The following ITGA1 variants were observed in gnomAD, a reference collection of about 807,000 sequenced individuals.
ITGA1 encodes the protein integrin alpha-1.
Under a neutral mutation model 145.9 loss-of-function variants are expected in ITGA1, and 85 were observed. The ratio of observed to expected loss-of-function variants is 0.58; its 90% CI spans 0.49 to 0.70. ITGA1 has a LOEUF of 0.70. ITGA1 is among the 30% of genes least tolerant of loss of function. The pLI is 0.00. For synonymous variants in ITGA1, 520 were observed against 495.3 expected, an observed-to-expected ratio of 1.05 and a Z score of -0.66; for missense variants, 1,351 against 1,418.7, an observed-to-expected ratio of 0.95 and a Z score of 0.77.
intron 9 of ITGA1, among the ~76,000 whole-genome samples, chr5:52,895,799 T>C (rs1750214990): frequency 6.6e-6 from 1 of 152,202 alleles, no homozygotes; most frequent in African/African-American, 2.4e-5. Flanking sequence ...AGATTACAAA[T>C]GTCTTCTATA....
chr5:52,916,164 A>T (rs1439654816), intron 15 of ITGA1, among the ~76,000 whole-genome samples: 2 of 152,326 alleles, frequency 1.3e-5, no homozygotes, highest in Non-Finnish European at 2.9e-5. Context: ...AGGCAAAAAT[A>T]ATTATTGCTT....
intron 2 of ITGA1, among the ~76,000 whole-genome samples, chr5:52,850,870 C>T (rs1003491794): frequency 6.6e-6 from 1 of 152,168 alleles, no homozygotes; most frequent in African/African-American, 2.4e-5. Context: ...TCCCTCTAGA[C>T]ACCAGCTTTA....
intron 7 of ITGA1, chr5:52,882,974 T>C (rs1009084161): frequency 6.6e-6 from 1 of 152,222 alleles, no homozygotes; most frequent in Non-Finnish European, 1.5e-5. Context: ...CTGCAAAGAA[T>C]GGATTGGATA....
At chr5:52,929,782 C>A in intron 21 of ITGA1, 81 bp downstream of exon 21, 1 of 726,168 alleles carries the variant, frequency 1.4e-6, no homozygotes, top group Non-Finnish European at 2.3e-6. Flanking sequence ...GCTCTATAAA[C>A]TCACTGACAG....
At chr5:52,854,804 T>C (rs1464912733) in intron 2 of ITGA1, among the ~76,000 whole-genome samples, 2 of 152,208 alleles carry the variant, frequency 1.3e-5, no homozygotes, top group African/African-American at 4.8e-5. Context: ...TATTTCTGCT[T>C]ACTAAATATT....
intron 1 of ITGA1, among the ~76,000 whole-genome samples, chr5:52,828,404 A>G (rs1232880194): frequency 6.6e-6 from 1 of 152,180 alleles, no homozygotes; most frequent in Non-Finnish European, 1.5e-5. Flanking sequence ...TTCCCTAATA[A>G]TTAATGCTGT....
chr5:52,906,012 G>T, intron 12 of ITGA1, 104 bp downstream of exon 12: 1 of 956,152 alleles, frequency 1.0e-6, no homozygotes, highest in Non-Finnish European at 1.6e-6. Context: ...CACATATTCA[G>T]TAACAACTGG....
chr5:52,921,250 G>A (rs985142267), intron 17 of ITGA1, among the ~76,000 whole-genome samples: 3 of 152,036 alleles, frequency 2.0e-5, no homozygotes. Flanking sequence ...GAGACTTGAC[G>A]GTAAACTTGG....
intron 26 of ITGA1, 64 bp from the exon 27 acceptor site, chr5:52,944,879 A>T (rs1284351177): frequency 8.8e-7 from 1 of 1,142,808 alleles, no homozygotes; most frequent in Non-Finnish European, 1.3e-6. Flanking sequence ...GTCCTACTCA[A>T]ACATGACTAG....
At chr5:52,865,445 T>C (rs963011675) in intron 5 of ITGA1, among the ~76,000 whole-genome samples, 1 of 152,254 alleles carries the variant, frequency 6.6e-6, no homozygotes, top group Non-Finnish European at 1.5e-5. Flanking sequence ...AAGATAACTC[T>C]CATACAATAC....
chr5:52,866,464 G>C (rs953209241), intron 6 of ITGA1, among the ~76,000 whole-genome samples: 1 of 152,112 alleles, frequency 6.6e-6, no homozygotes, highest in Admixed American at 6.5e-5. Flanking sequence ...TCAGAGCCGG[G>C]TGTCAGAGTT....
In ITGA1 at chr5:52,806,638, A is replaced by T. The variant is rs188682565; in HGVS notation, c.61+18224A>T. Among the ~76,000 whole-genome samples the T allele has an allele frequency of 5.6e-3, 860 of 152,242 alleles. 9 individuals are homozygous for T. Among genetic ancestry groups the T allele is most frequent in the African/African-American group, 0.02 (829 of 41,554 alleles). ...GATATATATCACCATCTGTATTCTC[A>T]TCCACATGTTACACTATTATTTCTA... On this transcript the variant is annotated intron_variant, in intron 1 of 28. Coordinates refer to ENST00000282588, the MANE Select transcript of ITGA1 (RefSeq NM_181501.2).
intron 11 of ITGA1, 99 bp downstream of exon 11, chr5:52,898,482 C>A: frequency 1.9e-6 from 2 of 1,078,736 alleles, no homozygotes; most frequent in Non-Finnish European, 2.6e-6. Flanking sequence ...AACCATATAG[C>A]AGGATTATTT....
intron 7 of ITGA1, among the ~76,000 whole-genome samples, chr5:52,886,027 G>A (rs946071188): frequency 6.6e-6 from 1 of 152,178 alleles, no homozygotes; most frequent in Non-Finnish European, 1.5e-5. Context: ...GGGGAATGAG[G>A]AATGTGATCA....
intron 11 of ITGA1, among the ~76,000 whole-genome samples, chr5:52,899,846 T>A (rs974547538): frequency 6.6e-6 from 1 of 152,190 alleles, no homozygotes; most frequent in Admixed American, 6.6e-5. Flanking sequence ...ATCAAGAAAC[T>A]GAGAGATAGA....
intron 15 of ITGA1, among the ~76,000 whole-genome samples, chr5:52,918,234 G>C (rs749264137): frequency 6.6e-6 from 1 of 152,116 alleles, no homozygotes; most frequent in African/African-American, 2.4e-5. Context: ...TTAACCTTAA[G>C]AATTAAATGA....
At chr5:52,826,163 A>G (rs1245639581) in intron 1 of ITGA1, among the ~76,000 whole-genome samples, 1 of 152,208 alleles carries the variant, frequency 6.6e-6, no homozygotes, top group Non-Finnish European at 1.5e-5. Context: ...CAGTGAACAC[A>G]TGAATGATAA....
intron 12 of ITGA1, among the ~76,000 whole-genome samples, chr5:52,907,780 T>G (rs549588647): frequency 1.3e-5 from 2 of 152,290 alleles, no homozygotes; most frequent in African/African-American, 4.8e-5. Context: ...GAGCTTCCAC[T>G]GAGCTCCAGT....
chr5:52,911,026 ATG>A (rs1234204113), intron 14 of ITGA1, among the ~76,000 whole-genome samples: 1 of 6,190 alleles, frequency 1.6e-4, no homozygotes, highest in African/African-American at 1.3e-3. Context: ...TATATATAGT[ATG>A]TATACTGTAT....
Sources: gnomAD v4.1 joint callset for allele counts (sites outside exome capture counted in the v4.1 genomes callset) on GRCh38, gnomAD v4.1.1 for gene constraint, MANE v1.5 for transcripts, NCBI Gene and HGNC (gene_info 2026-07-23, HGNC 2026-07-21) for gene names.